HSPH1: variants seen among roughly 807,000 people sequenced by gnomAD.
The protein encoded by HSPH1 is heat shock protein 105 kDa.
In HSPH1, 40 loss-of-function variants were observed where a neutral mutation model predicts 100.0. The observed-to-expected ratio is 0.40, with a 90% CI of 0.31 to 0.52. The LOEUF is 0.52. HSPH1 is among the 20% of genes least tolerant of loss of function. HSPH1 has a pLI of 0.54. For missense variants in HSPH1, 876 were observed against 1,015.1 expected (o/e 0.86, Z 1.86); for synonymous variants, 403 against 344.0 (o/e 1.17, Z -1.90).
intron 17 of HSPH1, 90 bp from the exon 18 acceptor site, chr13:31,137,614 T>C: frequency 1.2e-6 from 1 of 863,148 alleles, no homozygotes; most frequent in Non-Finnish European, 1.8e-6. Context: ...CCACTATTTT[T>C]CTACCAACTC....
rs1034221997 is a variant in HSPH1 at position 31,138,348 on chromosome 13, T to C, written c.2370+59A>G. ...AAAATGGCTATGTTGAAGGTTCAAATGATTGCAACTTGAGTCCGTAAGTGA... is the reference window on the plus strand; with the variant it reads ...AAAATGGCTATGTTGAAGGTTCAAACGATTGCAACTTGAGTCCGTAAGTGA... On this transcript the variant is annotated intron_variant, in intron 17 of 17. Transcript: ENST00000320027. 2.6e-6 allele frequency: 4 copies of C among 1,515,960 alleles called. No homozygotes were observed. The African/African-American group carries it at 4.2e-5, about 16-fold the overall frequency. 93.9% of individuals were successfully genotyped at this position (1,515,960 alleles called of 1,614,324 possible).
chr13:31,148,483 T>TA lies in HSPH1; in HGVS notation c.1138-4dup, dbSNP rs35594388. ...AATGCCGGGGAAAGTATTGCACACTTAAAAAAAAAAAAAAAAATCATGAGC... is the reference window on the plus strand; with the variant it reads ...AATGCCGGGGAAAGTATTGCACACTTAAAAAAAAAAAAAAAAAATCATGAGC... On this transcript the variant is annotated splice_polypyrimidine_tract_variant and splice_region_variant and intron_variant, in intron 8 of 17. Coordinates refer to ENST00000320027, the MANE Select transcript of HSPH1 (RefSeq NM_006644.4). 8.8e-3 allele frequency: 8,657 copies of TA among 983,548 alleles called. No individual in the cohort carries two copies. The highest frequency in any genetic ancestry group is 0.014 in the South Asian group (602 of 42,320). The allele number at this position is 983,548 out of a possible 1,614,324, so 60.9% of individuals were successfully genotyped here. A position where few individuals can be genotyped will look rare whatever the true frequency, so the allele number is the denominator to read the frequency against.
At position 31,138,410 on chromosome 13, in the gene HSPH1, G is replaced by A. The variant is rs1451619769; in HGVS notation, c.2367C>T (p.Ile789=). 4.3e-6 allele frequency: 7 copies of A among 1,612,274 alleles called. No individual in the cohort carries two copies. Among genetic ancestry groups the A allele is most frequent in the African/African-American group, 1.3e-5 (1 of 74,796 alleles). The change falls in exon 17 of 18, where the codon ATC becomes ATT. Residue 789 remains isoleucine, a synonymous_variant. Coordinates refer to ENST00000320027, the MANE Select transcript of HSPH1 (RefSeq NM_006644.4). ...AACACGAGACAGTAACACTCACCTT[G>A]ATTTTTGTTTTAATTTCCTGAGCAC... ...VVRAQEIKTK[I]KELNNTCEPV...
rs373560884 is a variant in HSPH1, at chr13:31,158,832, T to C, written c.139A>G (p.Thr47Ala). 49 of 1,605,632 alleles carry C rather than the reference T, an allele frequency of 3.1e-5. No homozygotes were observed. The highest frequency in any genetic ancestry group is 2.6e-6 in the Non-Finnish European group (3 of 1,172,496). The change falls in exon 2 of 18, where the codon ACA (threonine) becomes GCA (alanine). Residue 47 changes from threonine (T) to alanine (A), a missense_variant. Thr to Ala is a moderately conservative substitution (Grantham distance 58, BLOSUM62 0). Transcript: ENST00000320027. ...TGATTTTTGGCTGCAACTCCGATTG[T>C]TCTATTTTTTGATCCAAATGATATG... is the stretch of plus-strand genomic sequence containing the variant. ...SVISFGSKNRTIGVAAKNQQI... is the reference protein window; with the variant it reads ...SVISFGSKNRAIGVAAKNQQI...
intron 2 of HSPH1, among the ~76,000 whole-genome samples, chr13:31,156,162 G>A (rs1444645610): frequency 2.0e-5 from 3 of 152,234 alleles, no homozygotes; most frequent in Admixed American, 6.5e-5. Context: ...AGGCCAAGGC[G>A]GGTGGATCAC....
rs888271322 is a variant in HSPH1, at chr13:31,136,672, G to T, written c.*646C>A. On this transcript the variant is annotated 3_prime_UTR_variant, in exon 18 of 18. Transcript: ENST00000320027. ...GAACTTTATTTTAAAGCTCATAAAA[G>T]TGTTCACAATCAGTTACAACAGGAT... 6.6e-6 allele frequency: 1 copy of T among 152,584 alleles called. No homozygotes were observed. Among genetic ancestry groups the T allele is most frequent in the East Asian group, 1.9e-4 (1 of 5,190 alleles). 9.5% of individuals were successfully genotyped at this position (152,584 alleles called of 1,614,324 possible). A position where few individuals can be genotyped will look rare whatever the true frequency, so the allele number is the denominator to read the frequency against.
intron 14 of HSPH1, among the ~76,000 whole-genome samples, 176 bp downstream of exon 14, chr13:31,140,008 G>T (rs1475619163): frequency 2.0e-5 from 3 of 152,006 alleles, no homozygotes; most frequent in Non-Finnish European, 4.4e-5. Flanking sequence ...TTTGGGGGTA[G>T]GCTAGTACAA....
chr13:31,151,346 A>C, intron 6 of HSPH1, 155 bp from the exon 7 acceptor site: 1 of 763,620 alleles, frequency 1.3e-6, no homozygotes, highest in South Asian at 2.1e-5. Flanking sequence ...ATAAATCTCT[A>C]AGATATTTTT....
Position 31,154,287 on chromosome 13 carries a change from C to T in HSPH1, c.429+346G>A, listed in dbSNP as rs183763568. 31 of 322,630 alleles carry T rather than the reference C, an allele frequency of 9.6e-5. No homozygotes were observed. The East Asian group carries it at 2.0e-3, about 21-fold the overall frequency. The allele number at this position is 322,630 out of a possible 1,614,324, so 20.0% of individuals were successfully genotyped here. ...AACTCCTAATACACTGGTTTCTCAACGGAGGGTAGAATTCTTTCACCTGTG... is the reference window on the plus strand; with the variant it reads ...AACTCCTAATACACTGGTTTCTCAATGGAGGGTAGAATTCTTTCACCTGTG... On this transcript the variant is annotated intron_variant, in intron 4 of 17. Transcript: ENST00000320027.
chr13:31,135,289 T>C lies in HSPH1; in HGVS notation c.*2029A>G, dbSNP rs1206587830. ...AAAACATGTTTTCCCATTCACAGTT[T>C]TTAAAAATCTTTTTTAATGGATGTC... On this transcript the variant is annotated 3_prime_UTR_variant, in exon 18 of 18. Coordinates refer to ENST00000320027, the MANE Select transcript of HSPH1 (RefSeq NM_006644.4). 3 of 152,214 alleles carry C rather than the reference T, an allele frequency of 2.0e-5. No homozygotes were observed. Among genetic ancestry groups the C allele is most frequent in the East Asian group, 3.8e-4 (2 of 5,200 alleles). The allele number at this position is 152,214 out of a possible 1,614,324, so 9.4% of individuals were successfully genotyped here. A position where few individuals can be genotyped will look rare whatever the true frequency, so the allele number is the denominator to read the frequency against.
chr13:31,153,051 G>A, intron 4 of HSPH1, 100 bp from the exon 5 acceptor site: 2 of 764,836 alleles, frequency 2.6e-6, no homozygotes, highest in East Asian at 2.7e-5. Context: ...AGCTAAGTAG[G>A]TGCCTCGCCA....
chr13:31,141,352 C>G (rs1298114268), intron 12 of HSPH1, 93 bp from the exon 13 acceptor site: 22 of 1,030,140 alleles, frequency 2.1e-5, no homozygotes, highest in Non-Finnish European at 2.9e-5. Context: ...ATGACTTGGG[C>G]AAAAATAAAA....
chr13:31,152,449 G>A (rs992831618), intron 5 of HSPH1: 1 of 181,846 alleles, frequency 5.5e-6, no homozygotes, highest in African/African-American at 2.4e-5. Flanking sequence ...AGCAATATTT[G>A]ATAAATGATC....
In HSPH1 at chr13:31,138,396, G is replaced by C; in HGVS notation, c.2370+11C>G. The C allele has an allele frequency of 6.2e-7, 1 of 1,611,868 alleles. No homozygotes were observed. Among genetic ancestry groups the C allele is most frequent in the Non-Finnish European group, 8.5e-7 (1 of 1,178,522 alleles). ...TGAACCCAGCAGTAAACACGAGACA[G>C]TAACACTCACCTTGATTTTTGTTTT... On this transcript the variant is annotated intron_variant, in intron 17 of 17. Coordinates refer to ENST00000320027, the MANE Select transcript of HSPH1 (RefSeq NM_006644.4).
At chr13:31,137,713 T>G (rs1013570267) in intron 17 of HSPH1, among the ~76,000 whole-genome samples, 189 bp from the exon 18 acceptor site, 6 of 152,176 alleles carry the variant, frequency 3.9e-5, no homozygotes, top group Admixed American at 6.5e-5. Context: ...TTAATATTCT[T>G]CCAGGATGTG....
chr13:31,141,497 A>C (rs1956088551), intron 12 of HSPH1, among the ~76,000 whole-genome samples: 1 of 151,966 alleles, frequency 6.6e-6, no homozygotes, highest in Admixed American at 6.6e-5. Context: ...ATATTGAACA[A>C]TCTCTCCTGC....
At chr13:31,138,351 T>C (rs184857673) in intron 17 of HSPH1, 56 bp downstream of exon 17, 108 of 1,532,052 alleles carry the variant, frequency 7.0e-5, no homozygotes, top group Admixed American at 9.4e-5. Context: ...GTTCAAATGA[T>C]TGCAACTTGA....
chr13:31,156,239 A>C (rs1273211793), intron 2 of HSPH1, among the ~76,000 whole-genome samples: 2 of 152,050 alleles, frequency 1.3e-5, no homozygotes, highest in African/African-American at 4.8e-5. Flanking sequence ...AAATACAAAA[A>C]ATTAGCCGGG....
chr13:31,136,240 C>G lies in HSPH1; in HGVS notation c.*1078G>C, dbSNP rs1565990226. 6.6e-6 allele frequency: 1 copy of G among 152,152 alleles called. No individual in the cohort carries two copies. The highest frequency in any genetic ancestry group is 1.5e-5 in the Non-Finnish European group (1 of 68,038). The allele number at this position is 152,152 out of a possible 1,614,324, so 9.4% of individuals were successfully genotyped here. On this transcript the variant is annotated 3_prime_UTR_variant, in exon 18 of 18. Coordinates refer to ENST00000320027, the MANE Select transcript of HSPH1 (RefSeq NM_006644.4). Reference sequence around the variant, plus strand: ...GTACGTCTTTATAATGAACTCACTACATTTATGCAGTTACAACACTTGACT... The same window carrying G: ...GTACGTCTTTATAATGAACTCACTAGATTTATGCAGTTACAACACTTGACT...
Sources: allele counts gnomAD v4.1 joint callset (sites outside exome capture counted in the v4.1 genomes callset), GRCh38; gene constraint gnomAD v4.1.1; transcripts MANE v1.5; gene names NCBI Gene and HGNC (gene_info 2026-07-23, HGNC 2026-07-21).